Variants in UNC79 observed in about 807,000 individuals in gnomAD.
The protein encoded by UNC79 is protein unc-79 homolog.
Under a neutral mutation model 283.1 loss-of-function variants are expected in UNC79, and 37 were observed. The ratio of observed to expected loss-of-function variants is 0.13; its 90% CI spans 0.10 to 0.17. The LOEUF is 0.17. Ranked by LOEUF, UNC79 falls within the 10% of genes least tolerant of loss-of-function variation. The pLI, the probability that UNC79 is intolerant of heterozygous loss-of-function variation, is 1.00. For synonymous variants in UNC79, 1,107 were observed against 1,200.2 expected, an observed-to-expected ratio of 0.92 and a Z score of 1.61; for missense variants, 2,272 against 3,211.1, an observed-to-expected ratio of 0.71 and a Z score of 7.07.
intron 1 of UNC79, among the ~76,000 whole-genome samples, chr14:93,402,499 ATATAAT>A (rs2055131776): frequency 6.6e-6 from 1 of 152,018 alleles, no homozygotes; most frequent in African/African-American, 2.4e-5. Flanking sequence ...ATATGAAAAA[ATATAAT>A]TAAATATATG....
Position 93,690,073 on chromosome 14 carries a change from C to T in UNC79, c.7086-44C>T. 1.9e-6 allele frequency: 3 copies of T among 1,597,144 alleles called. No homozygotes were observed. The highest frequency in any genetic ancestry group is 2.3e-5 in the South Asian group (2 of 88,794). On this transcript the variant is annotated intron_variant, in intron 44 of 48. Transcript: ENST00000555664. This position sits in a 1 kb window ranked among gnomAD's most constrained non-coding sequence, Gnocchi z 4.3. ...AGCATTTGTTATGCACCCAATGAAA[C>T]ACAAAACATAAAATCATCTTTAACA... is the stretch of plus-strand genomic sequence containing the variant.
At chr14:93,445,016 G>A (rs1274616849) in intron 1 of UNC79, among the ~76,000 whole-genome samples, 1 of 152,018 alleles carries the variant, frequency 6.6e-6, no homozygotes, top group African/African-American at 2.4e-5. Context: ...GCAATATTTG[G>A]TAGTTGTCAC....
intron 47 of UNC79, among the ~76,000 whole-genome samples, chr14:93,695,298 G>A (rs1035055697): frequency 2.2e-4 from 33 of 152,112 alleles, no homozygotes; most frequent in African/African-American, 7.7e-4. Context: ...TCATTCCTTG[G>A]TTAACTCCAC....
In UNC79 at chr14:93,613,344, T is replaced by A. The variant is rs1041706028; in HGVS notation, c.4041+261T>A. Among the ~76,000 whole-genome samples the A allele has an allele frequency of 2.0e-5, 3 of 151,638 alleles. No homozygotes were observed. The East Asian group carries it at 5.8e-4, about 29-fold the overall frequency. ...TGTGTGAGAGAGAGAGAGAGAAAGA[T>A]GCTAACCTTGTAGCATATGAAGAGT... is the stretch of plus-strand genomic sequence containing the variant. On this transcript the variant is annotated intron_variant, in intron 27 of 48. Transcript: ENST00000555664.
chr14:93,629,603 T>A (rs1397393732), intron 30 of UNC79, among the ~76,000 whole-genome samples: 1 of 152,230 alleles, frequency 6.6e-6, no homozygotes, highest in Non-Finnish European at 1.5e-5. Flanking sequence ...TGCTTCGAAA[T>A]CAGTGCTCAG....
In UNC79 at chr14:93,582,094, T is replaced by G. The variant is rs897340496; in HGVS notation, c.2662-109T>G. ...GCCTTGGCCTCTGGCCTCAGCAGCA[T>G]GGGACCCGAGACACAGCAGGTGTGC... On this transcript the variant is annotated intron_variant, in intron 19 of 48. Coordinates refer to ENST00000555664, the Ensembl canonical transcript of UNC79. 34 of 1,558,658 alleles carry G rather than the reference T, an allele frequency of 2.2e-5. No individual in the cohort carries two copies. The East Asian group carries it at 3.6e-4, about 16-fold the overall frequency.
chr14:93,497,618 C>T (rs1489987050), intron 7 of UNC79, among the ~76,000 whole-genome samples: 1 of 152,134 alleles, frequency 6.6e-6, no homozygotes, highest in Admixed American at 6.5e-5. Context: ...TAGCAGAAAC[C>T]CCAACTAGCA....
intron 38 of UNC79, 149 bp downstream of exon 41, chr14:93,655,556 G>A: frequency 4.4e-6 from 4 of 912,898 alleles, no homozygotes; most frequent in Non-Finnish European, 6.4e-6. Context: ...GCTTATTTGG[G>A]TTGTTCTGTC....
chr14:93,683,356 A>G (rs2073989704), intron 42 of UNC79, among the ~76,000 whole-genome samples: 2 of 152,186 alleles, frequency 1.3e-5, no homozygotes, highest in African/African-American at 4.8e-5. Context: ...GGGAAAGGGA[A>G]GAGAATATGG....
intron 1 of UNC79, among the ~76,000 whole-genome samples, chr14:93,461,508 T>C (rs1290491948): frequency 6.6e-6 from 1 of 152,320 alleles, no homozygotes; most frequent in East Asian, 1.9e-4. Context: ...TGTTTTTTTT[T>C]CTTCATTTTC....
exon 18 of UNC79, chr14:93,578,001 T>C (rs1395451681): frequency 1.9e-6 from 3 of 1,614,130 alleles, no homozygotes; most frequent in Non-Finnish European, 1.7e-6. Context: ...TGACTTTGAT[T>C]GTGAAGATGA....
chr14:93,679,257 G>A (rs947762432), intron 41 of UNC79, among the ~76,000 whole-genome samples: 5 of 152,076 alleles, frequency 3.3e-5, no homozygotes, highest in African/African-American at 7.2e-5. Flanking sequence ...TCAAGAGATC[G>A]AGACCATCCT....
In UNC79 at chr14:93,655,503, G is replaced by A. The variant is rs117534082; in HGVS notation, c.6456+96G>A. The A allele has an allele frequency of 3.5e-3, 5,097 of 1,444,910 alleles. 16 individuals are homozygous for A. The highest frequency in any genetic ancestry group is 5.7e-3 in the Admixed American group (277 of 48,310). The allele number at this position is 1,444,910 out of a possible 1,614,324, so 89.5% of individuals were successfully genotyped here. On this transcript the variant is annotated intron_variant, in intron 38 of 48. Coordinates refer to ENST00000555664, the Ensembl canonical transcript of UNC79. Reference sequence around the variant, plus strand: ...AGAGTCTTGGGTGATTTAATGTATCGCAAAGGTTAATGAGGAAACTCCGTC... The same window carrying A: ...AGAGTCTTGGGTGATTTAATGTATCACAAAGGTTAATGAGGAAACTCCGTC...
At position 93,348,081 on chromosome 14, in the gene UNC79, A is replaced by G. The variant is rs145148406; in HGVS notation, c.-351+14558A>G. 7.8e-4 allele frequency: 1,257 copies of G among 1,612,716 alleles called. 1 individual carries two copies. Among genetic ancestry groups the G allele is most frequent in the Non-Finnish European group, 9.7e-4 (1,141 of 1,178,690 alleles). ...TTACGACCTTCTTAACACCAGCTGC[A>G]TATGTGCTAGGCAACCTGAAGCAGT... On this transcript the variant is annotated intron_variant, in intron 1 of 49. Transcript: ENST00000256339.
exon 36 of UNC79, chr14:93,653,854 G>A: frequency 6.2e-7 from 1 of 1,614,096 alleles, no homozygotes; most frequent in Non-Finnish European, 8.5e-7. Context: ...CACGATCAAA[G>A]GTAATTCATC....
At chr14:93,624,722 G>T (rs558607669) in intron 30 of UNC79, among the ~76,000 whole-genome samples, 5 of 152,250 alleles carry the variant, frequency 3.3e-5, no homozygotes, top group Admixed American at 3.3e-4. Context: ...ATAAGGCTTT[G>T]CCTCCCACTG....
chr14:93,613,338 GAA>G (rs1459730242), intron 27 of UNC79, among the ~76,000 whole-genome samples: 6 of 151,770 alleles, frequency 4.0e-5, no homozygotes, highest in Non-Finnish European at 7.4e-5. Flanking sequence ...GAGAGAGAGA[GAA>G]AGATGCTAAC....
rs2053923215 is a variant in UNC79, at chr14:93,348,842, T to G, written c.-351+15319T>G. On this transcript the variant is annotated intron_variant, in intron 1 of 49. Coordinates refer to the UNC79 transcript ENST00000256339. The stretch of plus-strand genomic sequence containing the variant: ...AAATTGCTGTCTTGAAGTGATGTTG[T>G]GGAAATAAAACATTGAACAAAGAAA... 2.0e-5 allele frequency among the ~76,000 whole-genome samples: 3 copies of G among 152,294 alleles called. No homozygotes were observed. The South Asian group carries it at 6.2e-4, about 32-fold the overall frequency.
At chr14:93,629,354 C>T (rs1344720714) in intron 30 of UNC79, among the ~76,000 whole-genome samples, 2 of 152,096 alleles carry the variant, frequency 1.3e-5, no homozygotes, top group East Asian at 3.9e-4. Flanking sequence ...AGAGTGCAGG[C>T]CAGTAAGGGT....
Sources: allele counts gnomAD v4.1 joint callset (sites outside exome capture counted in the v4.1 genomes callset), GRCh38; gene constraint gnomAD v4.1.1; non-coding constraint Gnocchi (gnomAD v3.1); transcripts MANE v1.5; gene names NCBI Gene and HGNC (gene_info 2026-07-23, HGNC 2026-07-21).